The following TMEM72 variants were observed in gnomAD, a reference collection of about 807,000 sequenced individuals.
TMEM72 encodes the protein transmembrane protein 72.
TMEM72 carries 9 observed loss-of-function variants against 16.3 expected under a neutral mutation model. That is an observed-to-expected ratio of 0.55 (90% CI 0.33 to 0.96). The LOEUF is 0.96. Ranked by LOEUF, TMEM72 falls within the 40% of genes least tolerant of loss-of-function variation. The probability of loss-of-function intolerance (pLI) is 0.03; values close to 1 mark genes in which losing one functional copy is unlikely to be tolerated. For synonymous variants in TMEM72, 160 were observed against 146.5 expected, an observed-to-expected ratio of 1.09 and a Z score of -0.66; for missense variants, 324 against 337.8, an observed-to-expected ratio of 0.96 and a Z score of 0.32.
chr10:44,927,998 G>A lies in TMEM72; in HGVS notation c.137+11G>A, dbSNP rs377658450. The A allele has an allele frequency of 1.3e-5, 21 of 1,613,076 alleles. No homozygotes were observed. The highest frequency in any genetic ancestry group is 2.7e-5 in the African/African-American group (2 of 74,908). ...GGCTTTCTATCTGCTGTGAGTATGT[G>A]TGCATGTGCCACTTTTGACCTGCAA... On this transcript the variant is annotated intron_variant, in intron 2 of 4. Coordinates refer to ENST00000389583, the MANE Select transcript of TMEM72 (RefSeq NM_001123376.3).
chr10:44,930,376 C>T (rs1840276589), intron 2 of TMEM72, among the ~76,000 whole-genome samples: 1 of 152,202 alleles, frequency 6.6e-6, no homozygotes, highest in African/African-American at 2.4e-5. Flanking sequence ...GGCACACAAG[C>T]TCTGGAGCCT....
chr10:44,914,395 T>C (rs1030977527), intron 1 of TMEM72, among the ~76,000 whole-genome samples: 1 of 152,218 alleles, frequency 6.6e-6, no homozygotes, highest in African/African-American at 2.4e-5. Context: ...GTTCATTTGC[T>C]TCACCTCCCT....
At chr10:44,913,606 G>A (rs1839970372) in intron 1 of TMEM72, among the ~76,000 whole-genome samples, 1 of 152,180 alleles carries the variant, frequency 6.6e-6, no homozygotes. Context: ...AAATAGCCAT[G>A]AGCTCCCTTC....
At position 44,935,205 on chromosome 10, in the gene TMEM72, G is replaced by C; in HGVS notation, c.*71G>C. 4 of 1,447,574 alleles carry C rather than the reference G, an allele frequency of 2.8e-6. No individual in the cohort carries two copies. Among genetic ancestry groups the C allele is most frequent in the Non-Finnish European group, 3.7e-6 (4 of 1,076,954 alleles). The allele number at this position is 1,447,574 out of a possible 1,614,324, so 89.7% of individuals were successfully genotyped here. On this transcript the variant is annotated 3_prime_UTR_variant, in exon 5 of 5. Coordinates refer to ENST00000389583, the MANE Select transcript of TMEM72 (RefSeq NM_001123376.3). ...CTCAATGGCCCTCCCTGGAGTTTCAGGGTCTTCTCTGGTCAGCTTTTCAAG... is the reference window on the plus strand; with the variant it reads ...CTCAATGGCCCTCCCTGGAGTTTCACGGTCTTCTCTGGTCAGCTTTTCAAG...
At chr10:44,913,328 C>T (rs144864827) in intron 1 of TMEM72, among the ~76,000 whole-genome samples, 1 of 152,282 alleles carries the variant, frequency 6.6e-6, no homozygotes, top group Non-Finnish European at 1.5e-5. Flanking sequence ...GCCCACCTCC[C>T]GTCGAGAGGC....
intron 1 of TMEM72, among the ~76,000 whole-genome samples, chr10:44,916,761 C>G (rs1256634186): frequency 6.6e-6 from 1 of 152,174 alleles, no homozygotes; most frequent in African/African-American, 2.4e-5. Flanking sequence ...CTGTTCCCCC[C>G]ACCTACCACC....
chr10:44,933,649 G>A lies in TMEM72; in HGVS notation c.222G>A (p.Gly74=). ...LLAICFQCQP[G]SLADRVREKA... is the part of the protein sequence containing the mutation. Reference sequence around the variant, plus strand: ...TCCCTCTCCCCAGGTGTCAACCAGGGTCCCTGGCAGACAGAGTAAGGGAGA... The same window carrying A: ...TCCCTCTCCCCAGGTGTCAACCAGGATCCCTGGCAGACAGAGTAAGGGAGA... Residue 74 remains glycine (G), a synonymous_variant, in exon 4 of 5, where the codon GGG becomes GGA. Transcript: ENST00000389583. 1 of 1,613,482 alleles carries A rather than the reference G, an allele frequency of 6.2e-7. No individual in the cohort carries two copies. The highest frequency in any genetic ancestry group is 8.5e-7 in the Non-Finnish European group (1 of 1,179,482).
At chr10:44,932,167 C>A in intron 3 of TMEM72, 98 bp downstream of exon 3, 1 of 1,401,134 alleles carries the variant, frequency 7.1e-7, no homozygotes, top group South Asian at 1.2e-5. Context: ...ATGTCCTGCT[C>A]CTGAAGCCAC....
intron 2 of TMEM72, among the ~76,000 whole-genome samples, chr10:44,929,844 C>T (rs932054092): frequency 6.6e-6 from 1 of 152,268 alleles, no homozygotes; most frequent in Non-Finnish European, 1.5e-5. Flanking sequence ...CTGCCCAATG[C>T]CTGACACTCC....
At chr10:44,913,183 G>A (rs528933951) in intron 1 of TMEM72, among the ~76,000 whole-genome samples, 70 of 152,278 alleles carry the variant, frequency 4.6e-4, no homozygotes, top group African/African-American at 1.6e-3. Context: ...ATCCTGGGGA[G>A]AGGAAGGCCA....
intron 1 of TMEM72, among the ~76,000 whole-genome samples, chr10:44,919,014 C>T (rs894847235): frequency 1.3e-5 from 2 of 151,944 alleles, no homozygotes; most frequent in South Asian, 2.1e-4. Context: ...TTATAGCAGC[C>T]GAAATGGACT....
rs777337617 is a variant in TMEM72 at position 44,934,657 on chromosome 10, C to A, written c.351C>A (p.Gly117=). 2.5e-6 allele frequency: 4 copies of A among 1,569,168 alleles called. No homozygotes were observed. The South Asian group carries it at 3.5e-5, about 14-fold the overall frequency. Residue 117 remains glycine (G), a splice_region_variant and synonymous_variant, in exon 5 of 5, where the codon GGC becomes GGA. Transcript: ENST00000389583. ...PVLVWHVTIP[G]SMLIITGLAY... ...CCCTGACCTCTGGCTCTTTTCCAGG[C>A]TCCATGCTCATCATCACCGGCCTGG...
intron 3 of TMEM72, among the ~76,000 whole-genome samples, chr10:44,932,907 G>C (rs530857791): frequency 6.6e-6 from 1 of 152,342 alleles, no homozygotes; most frequent in East Asian, 1.9e-4. Context: ...AGTCCAGCCT[G>C]CGAGCATAAG....
intron 1 of TMEM72, among the ~76,000 whole-genome samples, chr10:44,912,753 A>G (rs1160741747): frequency 6.6e-6 from 1 of 152,202 alleles, no homozygotes; most frequent in Non-Finnish European, 1.5e-5. Context: ...CCAGAGCTCA[A>G]TGGGAAGCTG....
At chr10:44,933,999 C>T (rs927148367) in intron 4 of TMEM72, among the ~76,000 whole-genome samples, 3 of 152,196 alleles carry the variant, frequency 2.0e-5, no homozygotes, top group African/African-American at 7.2e-5. Context: ...CCTTCCTTCA[C>T]AGAGCCGTAC....
intron 2 of TMEM72, among the ~76,000 whole-genome samples, chr10:44,928,902 C>T (rs1312609558): frequency 6.6e-6 from 1 of 152,224 alleles, no homozygotes; most frequent in African/African-American, 2.4e-5. Flanking sequence ...ATTTATTCAG[C>T]AAATATTAAT....
chr10:44,920,242 C>A (rs1259516508), intron 1 of TMEM72: 1 of 152,268 alleles, frequency 6.6e-6, no homozygotes, highest in East Asian at 1.9e-4. Context: ...GACTGTGAAG[C>A]GTCCCATGTT....
At chr10:44,911,885 G>T (rs4147126) in intron 1 of TMEM72, among the ~76,000 whole-genome samples, 101,886 of 152,076 alleles carry the variant, frequency 0.67, 34,506 homozygotes, top group Middle Eastern at 0.78. Flanking sequence ...CCCCACCTAC[G>T]CAGAGAGTTG....
chr10:44,927,895 C>G lies in TMEM72; in HGVS notation c.71-26C>G, dbSNP rs1840223234. On this transcript the variant is annotated intron_variant, in intron 1 of 4. Coordinates refer to ENST00000389583, the MANE Select transcript of TMEM72 (RefSeq NM_001123376.3). ...GCTGTGGTGTAGAGCACCAGGCCCA[C>G]TCTTCCTTCTTCTCTTGCCCCTTAG... is the stretch of plus-strand genomic sequence containing the variant. The G allele has an allele frequency of 2.5e-6, 4 of 1,611,796 alleles. No individual in the cohort carries two copies. In the East Asian group the frequency reaches 8.9e-5, roughly 36 times the overall value.
Sources: gnomAD v4.1 joint callset for allele counts (sites outside exome capture counted in the v4.1 genomes callset) on GRCh38, gnomAD v4.1.1 for gene constraint, MANE v1.5 for transcripts, NCBI Gene and HGNC (gene_info 2026-07-23, HGNC 2026-07-21) for gene names.